RBFOX1: variants seen among roughly 807,000 people sequenced by gnomAD.
RBFOX1 encodes RNA binding fox-1 homolog 1.
In RBFOX1, 8 loss-of-function variants were observed where a neutral mutation model predicts 57.7. That is an observed-to-expected ratio of 0.14 (90% CI 0.08 to 0.25). RBFOX1 has a LOEUF of 0.25. RBFOX1 is among the 10% of genes least tolerant of loss of function. The pLI, the probability that RBFOX1 is intolerant of heterozygous loss-of-function variation, is 1.00. For missense variants in RBFOX1, 611 were observed against 548.5 expected (o/e 1.11, Z -1.14); for synonymous variants, 326 against 222.4 (o/e 1.47, Z -4.15).
At chr16:7,639,421 C>G (rs533959003) in intron 11 of RBFOX1, among the ~76,000 whole-genome samples, 2 of 152,244 alleles carry the variant, frequency 1.3e-5, no homozygotes, top group East Asian at 3.9e-4. Context: ...ATAATTCCTT[C>G]TAGTTTTTAG....
chr16:7,304,601 C>G, intron 4 of RBFOX1: 1 of 984,350 alleles, frequency 1.0e-6, no homozygotes, highest in Non-Finnish European at 1.2e-6. Flanking sequence ...GGGGCTCCCG[C>G]GTTGCGATGG....
chr16:5,383,810 C>T (rs1018935901), intron 1 of RBFOX1, among the ~76,000 whole-genome samples: 1 of 152,174 alleles, frequency 6.6e-6, no homozygotes, highest in African/African-American at 2.4e-5. Flanking sequence ...GACAGAACTC[C>T]AACTCTTACT....
At position 6,220,730 on chromosome 16, in the gene RBFOX1, C is replaced by CG. The variant is rs1567708174; in HGVS notation, c.-126-96265_-126-96264insG. On this transcript the variant is annotated intron_variant, in intron 1 of 15. Transcript: ENST00000550418. ...TAATGCTATGACTAACCGCCCCCCC[C>CG]CAGTGGAAAATAATGAAGAAAACAA... Among the ~76,000 whole-genome samples the CG allele has an allele frequency of 5.0e-5, 6 of 120,094 alleles. No individual in the cohort carries two copies. The East Asian group carries it at 2.3e-3, about 47-fold the overall frequency. 78.8% of individuals were successfully genotyped at this position (120,094 alleles called of 152,430 possible). A position where few individuals can be genotyped will look rare whatever the true frequency, so the allele number is the denominator to read the frequency against.
chr16:5,520,886 G>T (rs1163064515), intron 2 of RBFOX1, among the ~76,000 whole-genome samples: 1 of 152,168 alleles, frequency 6.6e-6, no homozygotes, highest in African/African-American at 2.4e-5. Context: ...AATGGGAATT[G>T]CCCACATGGG....
rs149576011 is a variant in RBFOX1 at position 7,602,490 on chromosome 16, C to T, written c.623-4795C>T. ...TCCTTGATCAAAATCTCTGAATTTG[C>T]AAGGCCTGGGGACATACACAAACTG... On this transcript the variant is annotated intron_variant, in intron 9 of 15. Transcript: ENST00000550418. Among the ~76,000 whole-genome samples the T allele has an allele frequency of 7.2e-5, 11 of 152,286 alleles. No homozygotes were observed. In the East Asian group the frequency reaches 1.2e-3, roughly 16 times the overall value.
intron 1 of RBFOX1, among the ~76,000 whole-genome samples, chr16:6,299,712 T>C (rs1179277444): frequency 6.6e-6 from 1 of 152,180 alleles, no homozygotes; most frequent in Non-Finnish European, 1.5e-5. Context: ...ACTCAGTTAT[T>C]TGCAGTGGCC....
At chr16:5,968,372 C>G (rs35721165) in intron 4 of RBFOX1, among the ~76,000 whole-genome samples, 37,620 of 152,014 alleles carry the variant, frequency 0.25, 5,548 homozygotes, top group South Asian at 0.4. Flanking sequence ...ACTGCCCTGG[C>G]CTCTCCAGTA....
intron 1 of RBFOX1, among the ~76,000 whole-genome samples, chr16:6,091,221 C>T (rs1156294926): frequency 1.3e-5 from 2 of 152,130 alleles, no homozygotes; most frequent in South Asian, 2.1e-4. Context: ...ACCCCCACAC[C>T]CTTCCCAGCC....
At chr16:7,283,543 G>C (rs1030797716) in intron 4 of RBFOX1, among the ~76,000 whole-genome samples, 18 of 151,978 alleles carry the variant, frequency 1.2e-4, no homozygotes, top group African/African-American at 4.4e-4. Context: ...CTCTGTGTTG[G>C]CCAGGGAAAC....
At chr16:6,413,565 G>A (rs1269544262) in intron 2 of RBFOX1, among the ~76,000 whole-genome samples, 1 of 152,062 alleles carries the variant, frequency 6.6e-6, no homozygotes, top group Non-Finnish European at 1.5e-5. Context: ...TTTGAAATGA[G>A]GGTTTTTATT....
intron 1 of RBFOX1, among the ~76,000 whole-genome samples, chr16:6,286,235 C>T (rs770882868): frequency 1.4e-4 from 21 of 152,134 alleles, no homozygotes; most frequent in Non-Finnish European, 2.5e-4. Flanking sequence ...CTTCTCTTCT[C>T]CAAAGGGCTC....
At chr16:7,506,926 T>C (rs574889509) in intron 4 of RBFOX1, among the ~76,000 whole-genome samples, 1 of 152,328 alleles carries the variant, frequency 6.6e-6, no homozygotes, top group African/African-American at 2.4e-5. Context: ...GGATCAGTTT[T>C]ATCCCCACAG....
intron 4 of RBFOX1, among the ~76,000 whole-genome samples, chr16:5,874,661 G>A (rs2057559973): frequency 1.3e-5 from 2 of 152,178 alleles, no homozygotes; most frequent in Admixed American, 6.5e-5. Flanking sequence ...AATAAGGAGA[G>A]CAGCTGGGCG....
chr16:5,285,766 G>A (rs1356504833), intron 1 of RBFOX1, among the ~76,000 whole-genome samples: 1 of 151,268 alleles, frequency 6.6e-6, no homozygotes, highest in Non-Finnish European at 1.5e-5. Context: ...TTAGACTGCA[G>A]TTTTTTTTTG....
intron 3 of RBFOX1, among the ~76,000 whole-genome samples, chr16:6,733,374 C>T (rs1328481481): frequency 1.3e-5 from 2 of 152,190 alleles, no homozygotes; most frequent in East Asian, 1.9e-4. Context: ...CTGATCTGTA[C>T]ACCCATGTGT....
chr16:5,772,027 C>T (rs2053996218), intron 3 of RBFOX1, among the ~76,000 whole-genome samples: 2 of 152,028 alleles, frequency 1.3e-5, no homozygotes, highest in Non-Finnish European at 2.9e-5. Flanking sequence ...CAAAAGTTAG[C>T]TGAGTGTGGC....
intron 4 of RBFOX1, among the ~76,000 whole-genome samples, chr16:7,383,171 C>A (rs1313493696): frequency 6.6e-6 from 1 of 151,824 alleles, no homozygotes; most frequent in Non-Finnish European, 1.5e-5. Context: ...TTGTTTATCC[C>A]GTTGTCCATG....
intron 1 of RBFOX1, among the ~76,000 whole-genome samples, chr16:5,424,908 TTTC>T (rs1567489793): frequency 9.5e-6 from 1 of 105,580 alleles, no homozygotes; most frequent in Non-Finnish European, 2.0e-5. Context: ...TCTTTCTTTC[TTTC>T]TTTCTTTCTT....
At chr16:7,258,253 G>T (rs770011788) in intron 4 of RBFOX1, among the ~76,000 whole-genome samples, 1 of 152,142 alleles carries the variant, frequency 6.6e-6, no homozygotes, top group Non-Finnish European at 1.5e-5. Context: ...TCAGTTCAGT[G>T]TCCTTCTTAT....
Sources: allele counts gnomAD v4.1 joint callset (sites outside exome capture counted in the v4.1 genomes callset), GRCh38; gene constraint gnomAD v4.1.1; transcripts MANE v1.5; gene names NCBI Gene and HGNC (gene_info 2026-07-23, HGNC 2026-07-21).